NAV1: variants seen among roughly 807,000 people sequenced by gnomAD.
NAV1 encodes neuron navigator 1.
In NAV1, 18 loss-of-function variants were observed where a neutral mutation model predicts 175.2. The observed-to-expected ratio is 0.10, with a 90% confidence interval of 0.07 to 0.15. The LOEUF is 0.15. Ranked by LOEUF, NAV1 falls within the 10% of genes least tolerant of loss-of-function variation. The pLI, the probability that NAV1 is intolerant of heterozygous loss-of-function variation, is 1.00. For missense variants in NAV1, 1,731 were observed against 2,436.6 expected (o/e 0.71, Z 6.10); for synonymous variants, 897 against 978.7 (o/e 0.92, Z 1.56).
At chr1:201,627,398 G>A (rs1382221274) in intron 1 of NAV1, among the ~76,000 whole-genome samples, 1 of 151,802 alleles carries the variant, frequency 6.6e-6, no homozygotes, top group African/African-American at 2.4e-5. Flanking sequence ...TCAGCCTCCC[G>A]AGTAGCTGAG....
intron 16 of NAV1, chr1:201,803,987 A>G: frequency 1.9e-6 from 1 of 524,436 alleles, no homozygotes. Context: ...TTGGCAACAG[A>G]AGGATGCTGA....
Position 201,694,237 on chromosome 1 carries a change from T to A in NAV1, c.758-18580T>A, listed in dbSNP as rs1375215396. 6.6e-6 allele frequency among the ~76,000 whole-genome samples: 1 copy of A among 152,100 alleles called. No individual in the cohort carries two copies. Among genetic ancestry groups the A allele is most frequent in the African/African-American group, 2.4e-5 (1 of 41,406 alleles). ...AGTCATCACAGTCATCACTGAGAAC[T>A]CCCCCAGTTGGGGTGTAGAGGCATA... On this transcript the variant is annotated intron_variant, in intron 1 of 29. Transcript: ENST00000367296. The surrounding 1 kb of genome is among the most constrained non-coding windows in gnomAD (Gnocchi z 4.2).
At chr1:201,623,429 G>T (rs1487626670) in exon 1 of NAV1, 1 of 985,842 alleles carries the variant, frequency 1.0e-6, no homozygotes, top group Non-Finnish European at 1.2e-6. Context: ...AACTACAAAA[G>T]TTCTGGGACC....
chr1:201,556,683 A>C lies in NAV1; in HGVS notation c.-144+17341A>C, dbSNP rs584053. Among the ~76,000 whole-genome samples the C allele has an allele frequency of 4.1e-3, 629 of 152,314 alleles. 4 individuals carry two copies. Among genetic ancestry groups the C allele is most frequent in the African/African-American group, 0.014 (596 of 41,566 alleles). ...CCTCTGCTGTCCTAGCCCCAACCTT[A>C]GTCCAACCTGGGCCAGCAGCAGAGG... On this transcript the variant is annotated intron_variant, in intron 1 of 33. Transcript: ENST00000685211.
chr1:201,723,078 T>C (rs531141471), intron 3 of NAV1, among the ~76,000 whole-genome samples: 2 of 152,304 alleles, frequency 1.3e-5, no homozygotes, highest in South Asian at 4.1e-4. Context: ...ACCACTGCAC[T>C]CCAGCCTGGG....
intron 3 of NAV1, among the ~76,000 whole-genome samples, chr1:201,734,420 AAAG>A (rs1296809511): frequency 1.5e-4 from 22 of 149,630 alleles, no homozygotes; most frequent in East Asian, 2.0e-4. Context: ...AAAAAGAAAA[AAAG>A]AAGAAGAAGA....
chr1:201,558,668 T>C (rs1301448650), intron 1 of NAV1, among the ~76,000 whole-genome samples: 3 of 152,190 alleles, frequency 2.0e-5, no homozygotes, highest in Non-Finnish European at 4.4e-5. Flanking sequence ...GTCAGGCTGG[T>C]CTTGAACTCC....
chr1:201,644,051 C>G (rs185511059), upstream of NAV1, among the ~76,000 whole-genome samples: 1 of 152,130 alleles, frequency 6.6e-6, no homozygotes, highest in African/African-American at 2.4e-5. Flanking sequence ...GTCTTTGGGG[C>G]GCTGAGGATT....
intron 2 of NAV1, among the ~76,000 whole-genome samples, chr1:201,635,339 C>G (rs752083770): frequency 3.3e-5 from 5 of 152,170 alleles, no homozygotes; most frequent in Non-Finnish European, 5.9e-5. Flanking sequence ...GCCATTGCAC[C>G]CAACCCATTT....
At chr1:201,609,655 C>T (rs762033730) in intron 2 of NAV1, among the ~76,000 whole-genome samples, 7 of 152,200 alleles carry the variant, frequency 4.6e-5, no homozygotes, top group East Asian at 1.9e-4. Flanking sequence ...TGGTGGGAGA[C>T]GTGGTCATCT....
At chr1:201,706,924 G>T (rs1460075603) in intron 1 of NAV1, among the ~76,000 whole-genome samples, 2 of 152,124 alleles carry the variant, frequency 1.3e-5, no homozygotes, top group Non-Finnish European at 2.9e-5. Context: ...TGAATTTTGG[G>T]GGGTTATTAC....
In NAV1 at chr1:201,600,157, C is replaced by T. The variant is rs1441237315; in HGVS notation, c.-33+11508C>T. ...TTTGTACAGTGAATGACCTCTGTACCAGAGGGGTCCCCAAGGCTGGAGCAG... is the reference window on the plus strand; with the variant it reads ...TTTGTACAGTGAATGACCTCTGTACTAGAGGGGTCCCCAAGGCTGGAGCAG... On this transcript the variant is annotated intron_variant, in intron 2 of 33. Coordinates refer to the NAV1 transcript ENST00000685211. Among the ~76,000 whole-genome samples the T allele has an allele frequency of 4.6e-5, 7 of 152,182 alleles. No individual in the cohort carries two copies. The East Asian group carries it at 1.3e-3, about 29-fold the overall frequency.
At chr1:201,574,141 G>A (rs564859249) in intron 1 of NAV1, among the ~76,000 whole-genome samples, 1 of 152,216 alleles carries the variant, frequency 6.6e-6, no homozygotes, top group Non-Finnish European at 1.5e-5. Context: ...CAGTGTAGAG[G>A]ACTGGGCTGG....
chr1:201,582,090 C>T (rs1367011236), intron 1 of NAV1, among the ~76,000 whole-genome samples: 8 of 152,120 alleles, frequency 5.3e-5, no homozygotes, highest in African/African-American at 1.2e-4. Flanking sequence ...AGTGAGACTC[C>T]GTCTCAAACA....
intron 1 of NAV1, among the ~76,000 whole-genome samples, chr1:201,546,241 G>T (rs1264501707): frequency 6.6e-6 from 1 of 152,200 alleles, no homozygotes; most frequent in African/African-American, 2.4e-5. Context: ...CTGCACTATT[G>T]CGTGCTGCCC....
chr1:201,747,953 C>T (rs1265560081), intron 3 of NAV1, among the ~76,000 whole-genome samples: 5 of 152,158 alleles, frequency 3.3e-5, no homozygotes, highest in South Asian at 2.1e-4. Flanking sequence ...TCAACCCCAC[C>T]GGAATGGGTC....
At position 201,813,333 on chromosome 1, in the gene NAV1, GT is replaced by G; in HGVS notation, c.5340+77del. On this transcript the variant is annotated intron_variant, in intron 28 of 29. Transcript: ENST00000367296. This position sits in a 1 kb window ranked among gnomAD's most constrained non-coding sequence, Gnocchi z 4.2. Reference sequence around the variant, plus strand: ...AACAAAGTAGGAATGTTTCTTTAATGTTAGGCATGGGACTACTAGGATTAGT... The same window carrying G: ...AACAAAGTAGGAATGTTTCTTTAATGTAGGCATGGGACTACTAGGATTAGT... 1.0e-6 allele frequency: 1 copy of G among 977,350 alleles called. No homozygotes were observed. The highest frequency in any genetic ancestry group is 1.6e-6 in the Non-Finnish European group (1 of 628,876). 60.5% of individuals were successfully genotyped at this position (977,350 alleles called of 1,614,324 possible).
intron 14 of NAV1, 178 bp from the exon 19 acceptor site, chr1:201,794,288 A>G (rs1275030906): frequency 4.6e-6 from 3 of 652,828 alleles, no homozygotes; most frequent in Non-Finnish European, 5.6e-6. Context: ...AGTAGCTGGG[A>G]TTACAGGTGC....
Position 201,541,572 on chromosome 1 carries a change from G to A in NAV1, c.-144+2230G>A, listed in dbSNP as rs548216023. On this transcript the variant is annotated intron_variant, in intron 1 of 33. Coordinates refer to the NAV1 transcript ENST00000685211. ...GCGGATCACCTGAGGTCAGGAGTTC[G>A]AGACCAGCCTGGACAACGTGGTGAA... is the stretch of plus-strand genomic sequence containing the variant. Among the ~76,000 whole-genome samples, 16 of 152,302 alleles carry A rather than the reference G, an allele frequency of 1.1e-4. No individual in the cohort carries two copies. In the East Asian group the frequency reaches 2.1e-3, roughly 20 times the overall value.
Sources: gnomAD v4.1 joint callset for allele counts (sites outside exome capture counted in the v4.1 genomes callset) on GRCh38, gnomAD v4.1.1 for gene constraint, Gnocchi (gnomAD v3.1) non-coding constraint, MANE v1.5 for transcripts, NCBI Gene and HGNC (gene_info 2026-07-23, HGNC 2026-07-21) for gene names.